Variants in FOCAD observed in about 807,000 individuals in gnomAD.
FOCAD encodes focadhesin.
FOCAD carries 198 observed loss-of-function variants against 225.6 expected under a neutral mutation model. The ratio of observed to expected loss-of-function variants is 0.88; its 90% CI spans 0.78 to 0.99. The LOEUF (loss-of-function observed/expected upper bound fraction) is 0.99. Ranked by LOEUF, FOCAD falls within the 50% of genes least tolerant of loss-of-function variation. FOCAD has a pLI of 0.00. For missense variants in FOCAD, 2,713 were observed against 2,123.6 expected (o/e 1.28, Z -5.46); for synonymous variants, 897 against 755.0 (o/e 1.19, Z -3.08).
chr9:20,660,898 G>C (rs1400870011), intron 2 of FOCAD, among the ~76,000 whole-genome samples: 1 of 152,158 alleles, frequency 6.6e-6, no homozygotes, highest in Non-Finnish European at 1.5e-5. Context: ...AAGAGAGAGA[G>C]AGAGAGCAAT....
At chr9:20,842,921 A>G (rs1401954260) in intron 15 of FOCAD, among the ~76,000 whole-genome samples, 2 of 151,938 alleles carry the variant, frequency 1.3e-5, no homozygotes, top group South Asian at 4.1e-4. Flanking sequence ...GAAGCTCGCA[A>G]ATAACATCTT....
At chr9:20,802,417 T>C (rs1379771589) in intron 11 of FOCAD, among the ~76,000 whole-genome samples, 1 of 152,144 alleles carries the variant, frequency 6.6e-6, no homozygotes, top group Non-Finnish European at 1.5e-5. Context: ...TTATCTTGAA[T>C]GTAAGCTGTC....
In FOCAD at chr9:20,855,875, C is replaced by G. The variant is rs1343917338; in HGVS notation, c.1921-6703C>G. Among the ~76,000 whole-genome samples the G allele has an allele frequency of 2.7e-5, 4 of 149,944 alleles. No homozygotes were observed. The East Asian group carries it at 7.8e-4, about 29-fold the overall frequency. ...TCTTTTCCTGGTTTATTTCACTTAC[C>G]ATAATGTCCTCCAGTTCCATCTATG... On this transcript the variant is annotated intron_variant, in intron 15 of 43. Coordinates refer to ENST00000338382, the MANE Select transcript of FOCAD (RefSeq NM_001375567.1).
intron 5 of FOCAD, among the ~76,000 whole-genome samples, chr9:20,747,993 A>C (rs1227622607): frequency 6.6e-6 from 1 of 151,988 alleles, no homozygotes; most frequent in African/African-American, 2.4e-5. Flanking sequence ...CTAACTCTTA[A>C]AAAAATCGAC....
intron 15 of FOCAD, among the ~76,000 whole-genome samples, chr9:20,849,368 T>C (rs1297406350): frequency 6.6e-6 from 1 of 151,780 alleles, no homozygotes; most frequent in East Asian, 1.9e-4. Flanking sequence ...GTCTGCTTCT[T>C]GAAACTTTTT....
At position 20,975,202 on chromosome 9, in the gene FOCAD, G is replaced by A. The variant is rs564334374; in HGVS notation, c.4133-1218G>A. 6.1e-3 allele frequency among the ~76,000 whole-genome samples: 935 copies of A among 152,142 alleles called. 8 individuals carry two copies. The highest frequency in any genetic ancestry group is 0.031 in the Middle Eastern group (9 of 294). Reference sequence around the variant, plus strand: ...GTGTTATACTATTTCTGGCCTCCTCGTAGTTTCACGTTTACATGGCCCTTA... The same window carrying A: ...GTGTTATACTATTTCTGGCCTCCTCATAGTTTCACGTTTACATGGCCCTTA... On this transcript the variant is annotated intron_variant, in intron 35 of 43. Transcript: ENST00000338382.
chr9:20,960,337 G>A (rs1239200832), intron 35 of FOCAD, among the ~76,000 whole-genome samples: 1 of 152,180 alleles, frequency 6.6e-6, no homozygotes, highest in Non-Finnish European at 1.5e-5. Context: ...TGACGTCTCA[G>A]CTGCCTCCAC....
intron 32 of FOCAD, 71 bp from the exon 33 acceptor site, chr9:20,949,533 T>C: frequency 1.0e-6 from 1 of 958,874 alleles, no homozygotes; most frequent in Non-Finnish European, 1.6e-6. Context: ...GGATAGCTCA[T>C]GCACCGGGAA....
chr9:20,658,081 A>G (rs1416988555), upstream of FOCAD, among the ~76,000 whole-genome samples: 1 of 148,292 alleles, frequency 6.7e-6, no homozygotes. Flanking sequence ...CCTCCCAGTT[A>G]GGCTGCTCAG....
rs73649326 is a variant in FOCAD at position 20,984,648 on chromosome 9, G to A, written c.4729-1640G>A. ...TGGCAGCTTCTTCATTCCATCTGTTGTGAGGTTGTTTTGGTGAAGTATGTG... is the reference window on the plus strand; with the variant it reads ...TGGCAGCTTCTTCATTCCATCTGTTATGAGGTTGTTTTGGTGAAGTATGTG... On this transcript the variant is annotated intron_variant, in intron 39 of 43. Coordinates refer to ENST00000338382, the MANE Select transcript of FOCAD (RefSeq NM_001375567.1). Among the ~76,000 whole-genome samples the A allele has an allele frequency of 9.0e-3, 1,367 of 151,496 alleles. 20 individuals carry two copies. Among genetic ancestry groups the A allele is most frequent in the African/African-American group, 0.031 (1,272 of 40,832 alleles).
Position 20,740,276 on chromosome 9 carries a change from C to G in FOCAD, c.328C>G (p.Gln110Glu), listed in dbSNP as rs1234814041. Residue 110 changes from glutamine (Q) to glutamate (E), a missense_variant, in exon 5 of 44, where the codon CAA (glutamine) becomes GAA (glutamate). By Grantham distance (29) the Gln-to-Glu change is conservative (BLOSUM62 2). Transcript: ENST00000338382. ...GLIKAIMHLL[Q>E]MQALKEGQGG... ...GATAAAAGCCATTATGCACTTACTA[C>G]AAATGCAAGCTCTTAAGGAAGGACA... is the stretch of plus-strand genomic sequence containing the variant. 5.6e-6 allele frequency: 9 copies of G among 1,611,458 alleles called. No individual in the cohort carries two copies. In the Admixed American group the frequency reaches 1.0e-4, roughly 18 times the overall value.
At chr9:20,848,747 A>G (rs2131607669) in intron 15 of FOCAD, among the ~76,000 whole-genome samples, 1 of 152,114 alleles carries the variant, frequency 6.6e-6, no homozygotes, top group Admixed American at 6.6e-5. Context: ...TTCAGCCAGC[A>G]GTTTACCAGG....
chr9:20,986,266 A>ATTTTTCTTTTTTTTTTTTTT (rs1841143517), intron 39 of FOCAD, 22 bp from the exon 40 acceptor site: 1 of 606,560 alleles, frequency 1.6e-6, no homozygotes, highest in African/African-American at 3.3e-5. Flanking sequence ...TAACTAAACA[A>ATTTTTCTTTTTTTTTTTTTT]TTTTTTTTTT....
At chr9:20,838,145 G>A (rs983685479) in intron 15 of FOCAD, among the ~76,000 whole-genome samples, 1 of 152,028 alleles carries the variant, frequency 6.6e-6, no homozygotes, top group African/African-American at 2.4e-5. Flanking sequence ...CGTTATAGTT[G>A]AAGGAATAGG....
At chr9:20,766,673 A>AT (rs1025809423) in intron 7 of FOCAD, among the ~76,000 whole-genome samples, 3 of 141,808 alleles carry the variant, frequency 2.1e-5, no homozygotes, top group African/African-American at 7.9e-5. Flanking sequence ...TCCCTTCCTT[A>AT]TTTTTTTCTT....
intron 3 of FOCAD, among the ~76,000 whole-genome samples, chr9:20,719,052 A>G (rs1363387254): frequency 6.6e-6 from 1 of 152,124 alleles, no homozygotes; most frequent in Non-Finnish European, 1.5e-5. Flanking sequence ...CCAGCTACAG[A>G]GGGAAAGTGG....
chr9:20,987,380 A>G (rs1179452625), intron 40 of FOCAD, among the ~76,000 whole-genome samples: 2 of 152,084 alleles, frequency 1.3e-5, no homozygotes, highest in Non-Finnish European at 2.9e-5. Context: ...TGGTGGCGTA[A>G]GCATGTAGTC....
chr9:20,695,404 T>C (rs1273273921), intron 1 of FOCAD, among the ~76,000 whole-genome samples: 1 of 152,178 alleles, frequency 6.6e-6, no homozygotes, highest in Non-Finnish European at 1.5e-5. Flanking sequence ...CATTCACAAA[T>C]CAAAGTATTT....
At chr9:20,684,055 G>A, upstream of FOCAD, 1 of 152,324 alleles carries the variant, frequency 6.6e-6, no homozygotes, top group East Asian at 1.9e-4. Flanking sequence ...GCACCAGCTC[G>A]GCTGCAGAGC....
Sources: allele counts gnomAD v4.1 joint callset (sites outside exome capture counted in the v4.1 genomes callset), GRCh38; gene constraint gnomAD v4.1.1; transcripts MANE v1.5; gene names NCBI Gene and HGNC (gene_info 2026-07-23, HGNC 2026-07-21).